The following SBF2 variants were observed in gnomAD, a reference collection of about 807,000 sequenced individuals.
SBF2 encodes SET binding factor 2.
SBF2 carries 112 observed loss-of-function variants against 225.2 expected under a neutral mutation model. That is an observed-to-expected ratio of 0.50 (90% CI 0.43 to 0.58). SBF2 has a LOEUF of 0.58. Among genes scored for constraint, SBF2 ranks in the 20% least tolerant of loss-of-function variants. SBF2 has a pLI of 0.00. For missense variants in SBF2, 1,996 were observed against 2,206.2 expected (o/e 0.90, Z 1.91); for synonymous variants, 763 against 773.3 (o/e 0.99, Z 0.22).
chr11:9,824,420 G>A (rs1179467741), intron 28 of SBF2, among the ~76,000 whole-genome samples: 1 of 151,890 alleles, frequency 6.6e-6, no homozygotes, highest in African/African-American at 2.4e-5. Context: ...AGCTGGGCAC[G>A]GTGGCACGTG....
intron 2 of SBF2, among the ~76,000 whole-genome samples, chr11:10,091,770 C>T (rs1951791903): frequency 6.6e-6 from 1 of 152,078 alleles, no homozygotes; most frequent in Non-Finnish European, 1.5e-5. Flanking sequence ...TTCTAGGTGA[C>T]CCAGTACATA....
Position 9,993,088 on chromosome 11 carries a change from C to G in SBF2, c.1069G>C (p.Ala357Pro). 1 of 1,610,182 alleles carries G rather than the reference C, an allele frequency of 6.2e-7. No homozygotes were observed. Among genetic ancestry groups the G allele is most frequent in the Non-Finnish European group, 8.5e-7 (1 of 1,178,246 alleles). The change falls in exon 11 of 40, where the codon GCC becomes CCC. Residue 357 changes from alanine (A) to proline (P), a missense_variant. Physicochemically the swap from Ala to Pro is conservative, Grantham distance 27. Transcript: ENST00000256190. ...HSKMLDKEVR[A>P]VFLRLFAQLF... ...TGTGCAAATAATCTAAGGAAAACGG[C>G]TCGCACCTCTTTATCCTAAAAATAT...
chr11:10,231,182 A>G (rs917405755), intron 1 of SBF2, among the ~76,000 whole-genome samples: 2 of 152,062 alleles, frequency 1.3e-5, no homozygotes, highest in African/African-American at 4.8e-5. Flanking sequence ...AGGACTTCTC[A>G]GTATTGGTTA....
chr11:10,287,211 A>G (rs1963853846), intron 1 of SBF2, among the ~76,000 whole-genome samples: 1 of 152,254 alleles, frequency 6.6e-6, no homozygotes, highest in Non-Finnish European at 1.5e-5. Context: ...GCCAGATGCT[A>G]GAAAGGGAAC....
At chr11:10,046,745 CT>C (rs745352995) in intron 2 of SBF2, among the ~76,000 whole-genome samples, 14 of 151,714 alleles carry the variant, frequency 9.2e-5, no homozygotes, top group Non-Finnish European at 1.5e-4. Flanking sequence ...ACCACTGCTT[CT>C]CAATATTATC....
chr11:10,046,259 G>T (rs757394563), intron 2 of SBF2, among the ~76,000 whole-genome samples: 15 of 152,030 alleles, frequency 9.9e-5, no homozygotes, highest in Non-Finnish European at 2.1e-4. Context: ...CAGAAGCAAA[G>T]GGAATACCTT....
chr11:10,138,442 G>C (rs2135126612), intron 2 of SBF2, among the ~76,000 whole-genome samples: 1 of 151,722 alleles, frequency 6.6e-6, no homozygotes, highest in Middle Eastern at 3.4e-3. Flanking sequence ...TTTTTCTCTA[G>C]TTTTCAATTT....
Position 9,779,810 on chromosome 11 carries a change from C to G in SBF2, c.*608G>C, listed in dbSNP as rs776490076. The G allele has an allele frequency of 1.3e-4, 22 of 165,620 alleles. No homozygotes were observed. The highest frequency in any genetic ancestry group is 2.6e-4 in the Non-Finnish European group (19 of 74,184). The allele number at this position is 165,620 out of a possible 1,614,324, so 10.3% of individuals were successfully genotyped here. On this transcript the variant is annotated 3_prime_UTR_variant, in exon 40 of 40. Transcript: ENST00000256190. ...GTACCATTCCCTGGATAATCTTTTTCCATCAGAATAATGCTGTGTGCTCCC... is the reference window on the plus strand; with the variant it reads ...GTACCATTCCCTGGATAATCTTTTTGCATCAGAATAATGCTGTGTGCTCCC...
chr11:9,902,021 G>A (rs778323086), intron 16 of SBF2, among the ~76,000 whole-genome samples: 2 of 152,126 alleles, frequency 1.3e-5, no homozygotes, highest in Non-Finnish European at 2.9e-5. Context: ...AGACCCTGAA[G>A]GAAATCAAAA....
intron 2 of SBF2, among the ~76,000 whole-genome samples, chr11:10,182,817 A>T (rs1276300735): frequency 6.6e-6 from 1 of 151,562 alleles, no homozygotes; most frequent in Non-Finnish European, 1.5e-5. Flanking sequence ...CTCTGTCGCC[A>T]GGCTGGAGTG....
chr11:9,880,605 C>T (rs904609217), intron 17 of SBF2, among the ~76,000 whole-genome samples: 3 of 152,168 alleles, frequency 2.0e-5, no homozygotes, highest in Non-Finnish European at 4.4e-5. Flanking sequence ...CTCTGTTGCT[C>T]TAACCCCTCA....
At chr11:10,210,370 A>AGAG (rs1197129877) in intron 1 of SBF2, among the ~76,000 whole-genome samples, 1 of 151,404 alleles carries the variant, frequency 6.6e-6, no homozygotes, top group Admixed American at 6.6e-5. Flanking sequence ...AGGAGGAGGG[A>AGAG]GAGGAGGAGG....
At chr11:9,968,279 C>G (rs1271359018) in intron 14 of SBF2, 62 bp downstream of exon 14, 1 of 1,455,170 alleles carries the variant, frequency 6.9e-7, no homozygotes, top group Non-Finnish European at 9.6e-7. Flanking sequence ...GCACACTTTT[C>G]CTTTTTGGGT....
intron 2 of SBF2, among the ~76,000 whole-genome samples, chr11:10,125,195 A>T (rs974355049): frequency 6.6e-6 from 1 of 151,896 alleles, no homozygotes; most frequent in Non-Finnish European, 1.5e-5. Flanking sequence ...GTAATGAATT[A>T]TATTGATATA....
intron 2 of SBF2, among the ~76,000 whole-genome samples, chr11:10,068,388 C>A (rs1950716224): frequency 6.6e-6 from 1 of 152,164 alleles, no homozygotes. Flanking sequence ...ACTGACCTGA[C>A]CATTTTAACC....
chr11:10,079,348 A>T (rs1317836961), intron 2 of SBF2, among the ~76,000 whole-genome samples: 2 of 152,224 alleles, frequency 1.3e-5, no homozygotes, highest in Admixed American at 1.3e-4. Context: ...CATTTACAGG[A>T]TATGACTGAG....
intron 13 of SBF2, among the ~76,000 whole-genome samples, chr11:9,986,873 T>G (rs1369870323): frequency 1.3e-5 from 2 of 152,140 alleles, no homozygotes; most frequent in African/African-American, 4.8e-5. Context: ...ACCAATCCTT[T>G]TGACACTATT....
At chr11:10,215,538 G>A (rs572301280) in intron 1 of SBF2, among the ~76,000 whole-genome samples, 25 of 152,182 alleles carry the variant, frequency 1.6e-4, no homozygotes, top group African/African-American at 3.1e-4. Context: ...TGGGAGGATC[G>A]CTTGAGCCCA....
chr11:10,219,952 C>G (rs1464189142), intron 1 of SBF2, among the ~76,000 whole-genome samples: 1 of 152,192 alleles, frequency 6.6e-6, no homozygotes, highest in Non-Finnish European at 1.5e-5. Context: ...CAACCTCTGC[C>G]TATTACCCAG....
Sources: allele counts gnomAD v4.1 joint callset (sites outside exome capture counted in the v4.1 genomes callset), GRCh38; gene constraint gnomAD v4.1.1; transcripts MANE v1.5; gene names NCBI Gene and HGNC (gene_info 2026-07-23, HGNC 2026-07-21).